Variants in ANKS1A observed in about 807,000 individuals in gnomAD.
The protein encoded by ANKS1A is ankyrin repeat and sterile alpha motif domain containing 1A, also known as ankyrin repeat and SAM domain-containing protein 1A.
In ANKS1A, 55 loss-of-function variants were observed where a neutral mutation model predicts 120.3. The ratio of observed to expected loss-of-function variants is 0.46; its 90% CI spans 0.37 to 0.57. ANKS1A has a LOEUF of 0.57. Ranked by LOEUF, ANKS1A falls within the 20% of genes least tolerant of loss-of-function variation. The pLI is 0.00. For synonymous variants in ANKS1A, 590 were observed against 604.7 expected (o/e 0.98, Z 0.36); for missense variants, 1,123 against 1,480.3 (o/e 0.76, Z 3.96).
At chr6:34,967,018 C>T (rs185026001) in intron 1 of ANKS1A, among the ~76,000 whole-genome samples, 10 of 152,310 alleles carry the variant, frequency 6.6e-5, no homozygotes, top group Admixed American at 5.9e-4. Context: ...ACACTGTTGT[C>T]TTGAAACTTG....
At position 34,889,354 on chromosome 6, in the gene ANKS1A, G is replaced by A. The variant is rs1388315944; in HGVS notation, c.-49G>A. Reference sequence around the variant, plus strand: ...ACGGAAAGTTTGGGAGCCCGAGCAGGCTCGGCTGCAGCCTCGGGGAGGGGG... The same window carrying A: ...ACGGAAAGTTTGGGAGCCCGAGCAGACTCGGCTGCAGCCTCGGGGAGGGGG... On this transcript the variant is annotated 5_prime_UTR_variant, in exon 1 of 24. Transcript: ENST00000360359. This position sits in a 1 kb window ranked among gnomAD's most constrained non-coding sequence, Gnocchi z 5.5. 3 of 1,243,700 alleles carry A rather than the reference G, an allele frequency of 2.4e-6. No homozygotes were observed. In the East Asian group the frequency reaches 9.5e-5, roughly 39 times the overall value. The allele number at this position is 1,243,700 out of a possible 1,614,324, so 77.0% of individuals were successfully genotyped here.
chr6:34,897,026 C>T (rs2127444123), intron 1 of ANKS1A, among the ~76,000 whole-genome samples: 1 of 152,258 alleles, frequency 6.6e-6, no homozygotes, highest in East Asian at 1.9e-4. Flanking sequence ...GCCCCAGCTA[C>T]TCAGGAGGCA....
intron 10 of ANKS1A, among the ~76,000 whole-genome samples, chr6:35,008,657 G>A (rs1773586423): frequency 6.6e-6 from 1 of 152,154 alleles, no homozygotes; most frequent in South Asian, 2.1e-4. Context: ...GTGCTTCTAA[G>A]TTTTCCTCCA....
intron 1 of ANKS1A, among the ~76,000 whole-genome samples, chr6:34,950,067 C>T (rs1043119140): frequency 6.6e-6 from 1 of 152,120 alleles, no homozygotes; most frequent in Non-Finnish European, 1.5e-5. Flanking sequence ...GAAAAAATTA[C>T]TTCTGACACT....
chr6:35,005,204 C>G (rs551387497), intron 10 of ANKS1A, among the ~76,000 whole-genome samples: 2 of 152,208 alleles, frequency 1.3e-5, no homozygotes, highest in African/African-American at 4.8e-5. Context: ...GCTAAATTGC[C>G]CTCCCTTAAT....
At chr6:35,078,807 G>C in intron 14 of ANKS1A, 151 bp downstream of exon 14, 1 of 704,342 alleles carries the variant, frequency 1.4e-6, no homozygotes, top group Non-Finnish European at 2.4e-6. Context: ...CTCCGGAAGG[G>C]CCGCACACAA....
intron 3 of ANKS1A, among the ~76,000 whole-genome samples, chr6:34,971,936 G>A (rs1477911597): frequency 6.6e-6 from 1 of 152,160 alleles, no homozygotes; most frequent in East Asian, 1.9e-4. Context: ...GGAATGAAAA[G>A]TATCTGTTTA....
In ANKS1A at chr6:35,084,031, G is replaced by C; in HGVS notation, c.2995-90G>C. The C allele has an allele frequency of 6.4e-7, 1 of 1,560,730 alleles. No homozygotes were observed. Among genetic ancestry groups the C allele is most frequent in the South Asian group, 1.2e-5 (1 of 84,124 alleles). On this transcript the variant is annotated intron_variant, in intron 20 of 23. Coordinates refer to ENST00000360359, the MANE Select transcript of ANKS1A (RefSeq NM_015245.3). The surrounding 1 kb of genome is among the most constrained non-coding windows in gnomAD (Gnocchi z 4.8). ...TTGCTTGATGCTCTAGGCTGGGACA[G>C]AGAACAGTGACAATGGTAACAGGCT...
chr6:35,046,047 CAG>C (rs1416074437), intron 11 of ANKS1A, among the ~76,000 whole-genome samples: 3 of 152,154 alleles, frequency 2.0e-5, no homozygotes, highest in Admixed American at 1.3e-4. Flanking sequence ...TTTCAGGAGA[CAG>C]AGGATACAAA....
intron 1 of ANKS1A, among the ~76,000 whole-genome samples, chr6:34,928,034 G>A (rs1019166200): frequency 3.3e-5 from 5 of 152,144 alleles, no homozygotes; most frequent in African/African-American, 1.2e-4. Flanking sequence ...CCCACATGCG[G>A]TACTGGCTTC....
chr6:34,904,402 A>G (rs1767530305), intron 1 of ANKS1A, among the ~76,000 whole-genome samples: 1 of 151,994 alleles, frequency 6.6e-6, no homozygotes, highest in Non-Finnish European at 1.5e-5. Flanking sequence ...TTATGTAATA[A>G]CCTAATAACC....
chr6:35,036,750 G>A (rs921138577), intron 11 of ANKS1A, among the ~76,000 whole-genome samples: 12 of 152,222 alleles, frequency 7.9e-5, no homozygotes, highest in Non-Finnish European at 1.8e-4. Context: ...TAACCCTGTA[G>A]TTCCTTCTTT....
In ANKS1A at chr6:35,010,940, C is replaced by G. The variant is rs1311994085; in HGVS notation, c.1424-6533C>G. Among the ~76,000 whole-genome samples the G allele has an allele frequency of 2.6e-5, 4 of 152,246 alleles. 1 individual carries two copies. The highest frequency in any genetic ancestry group is 5.9e-5 in the Non-Finnish European group (4 of 68,004). On this transcript the variant is annotated intron_variant, in intron 10 of 23. Transcript: ENST00000360359. Reference sequence around the variant, plus strand: ...GAGGAAATCGATCTTACATAGTTTTCAAGAGATGAATGAAAAGCTCACTGA... The same window carrying G: ...GAGGAAATCGATCTTACATAGTTTTGAAGAGATGAATGAAAAGCTCACTGA...
intron 1 of ANKS1A, among the ~76,000 whole-genome samples, chr6:34,892,852 T>C (rs1057173008): frequency 6.6e-6 from 1 of 152,222 alleles, no homozygotes; most frequent in African/African-American, 2.4e-5. Context: ...CGATTGATGC[T>C]ATACCTGAGA....
intron 9 of ANKS1A, among the ~76,000 whole-genome samples, chr6:34,990,353 G>A (rs1391382824): frequency 6.6e-6 from 1 of 152,094 alleles, no homozygotes; most frequent in Non-Finnish European, 1.5e-5. Context: ...TTATTATAAT[G>A]TCTCATCTAA....
At position 35,085,587 on chromosome 6, in the gene ANKS1A, C is replaced by T. The variant is rs563820134; in HGVS notation, c.3133-179C>T. Among the ~76,000 whole-genome samples the T allele has an allele frequency of 2.7e-5, 4 of 149,382 alleles. No homozygotes were observed. Among genetic ancestry groups the T allele is most frequent in the African/African-American group, 9.7e-5 (4 of 41,316 alleles). ...GCTCCCGGCCACATCCTGTGTAGAGCGGGAAGAACAACAGAGACCTAGGAA... is the reference window on the plus strand; with the variant it reads ...GCTCCCGGCCACATCCTGTGTAGAGTGGGAAGAACAACAGAGACCTAGGAA... On this transcript the variant is annotated intron_variant, in intron 21 of 23. Transcript: ENST00000360359. This position sits in a 1 kb window ranked among gnomAD's most constrained non-coding sequence, Gnocchi z 4.7.
intron 3 of ANKS1A, among the ~76,000 whole-genome samples, chr6:34,980,926 G>C (rs1316095471): frequency 6.6e-6 from 1 of 152,180 alleles, no homozygotes; most frequent in Non-Finnish European, 1.5e-5. Flanking sequence ...TATTACATTT[G>C]AATATTTTGC....
intron 6 of ANKS1A, 45 bp downstream of exon 6, chr6:34,983,259 TTGAACCAAGGCATTTG>T (rs1771997123): frequency 6.2e-7 from 1 of 1,612,082 alleles, no homozygotes; most frequent in Admixed American, 1.7e-5. Flanking sequence ...GACACACGAA[TTGAACCAAGGCATTTG>T]TATTTGGTGC....
intron 13 of ANKS1A, among the ~76,000 whole-genome samples, chr6:35,073,785 G>C (rs1777198521): frequency 6.6e-6 from 1 of 152,216 alleles, no homozygotes; most frequent in African/African-American, 2.4e-5. Context: ...GACCCTCCTT[G>C]TGAAGAGGTT....
Sources: gnomAD v4.1 joint callset for allele counts (sites outside exome capture counted in the v4.1 genomes callset) on GRCh38, gnomAD v4.1.1 for gene constraint, Gnocchi (gnomAD v3.1) non-coding constraint, MANE v1.5 for transcripts, NCBI Gene and HGNC (gene_info 2026-07-23, HGNC 2026-07-21) for gene names.